FMNL2: variants seen among roughly 807,000 people sequenced by gnomAD.
FMNL2 encodes formin like 2.
Under a neutral mutation model 130.2 loss-of-function variants are expected in FMNL2, and 51 were observed. That is an observed-to-expected ratio of 0.39 (90% CI 0.31 to 0.49). The LOEUF (loss-of-function observed/expected upper bound fraction) is 0.49. FMNL2 is among the 20% of genes least tolerant of loss of function. The pLI, the probability that FMNL2 is intolerant of heterozygous loss-of-function variation, is 0.85. For synonymous variants in FMNL2, 465 were observed against 467.1 expected (o/e 1.00, Z 0.06); for missense variants, 977 against 1,316.2 (o/e 0.74, Z 3.99).
At chr2:152,478,573 T>C (rs778020843) in intron 1 of FMNL2, among the ~76,000 whole-genome samples, 12 of 152,016 alleles carry the variant, frequency 7.9e-5, no homozygotes, top group Non-Finnish European at 1.5e-4. Flanking sequence ...AAAGGCAAAG[T>C]GTACCAAATA....
At chr2:152,481,979 T>A (rs1690553283) in intron 1 of FMNL2, among the ~76,000 whole-genome samples, 1 of 152,170 alleles carries the variant, frequency 6.6e-6, no homozygotes, top group African/African-American at 2.4e-5. Context: ...GAAATGGATT[T>A]AAATAGTGGT....
In FMNL2 at chr2:152,549,359, T is replaced by C. The variant is rs114132452; in HGVS notation, c.359+262T>C. ...CAGTAAATATGGACACTTGGTTTCA[T>C]GTGTGCATAACAATTCTCTGGCAAA... On this transcript the variant is annotated intron_variant, in intron 4 of 25. Coordinates refer to ENST00000288670, the MANE Select transcript of FMNL2 (RefSeq NM_052905.4). Among the ~76,000 whole-genome samples, 263 of 152,342 alleles carry C rather than the reference T, an allele frequency of 1.7e-3. 2 individuals carry two copies. Among genetic ancestry groups the C allele is most frequent in the African/African-American group, 6.0e-3 (250 of 41,590 alleles).
In FMNL2 at chr2:152,495,653, C is replaced by CAAAAAAAAAAAAAAAAAAAAAAAA. The variant is rs55989531; in HGVS notation, c.118-26276_118-26275insAAAAAAAAAAAAAAAAAAAAAAAA. On this transcript the variant is annotated intron_variant, in intron 1 of 25. Transcript: ENST00000288670. ...GTGACAGAGTGAGACTCCGTCTCAC[C>CAAAAAAAAAAAAAAAAAAAAAAAA]AAAAAAAAAAAAAAGATTTTTTTCA... 3.7e-4 allele frequency among the ~76,000 whole-genome samples: 18 copies of CAAAAAAAAAAAAAAAAAAAAAAAA among 48,528 alleles called. 1 individual carries two copies. The highest frequency in any genetic ancestry group is 5.6e-4 in the East Asian group (1 of 1,780). The allele number at this position is 48,528 out of a possible 152,430, so 31.8% of individuals were successfully genotyped here.
intron 1 of FMNL2, among the ~76,000 whole-genome samples, chr2:152,335,956 A>G (rs1353838198): frequency 2.0e-5 from 3 of 151,332 alleles, no homozygotes; most frequent in African/African-American, 7.3e-5. Context: ...CGGCTGCCCA[A>G]CCAGCCTCGA....
At chr2:152,503,039 G>A (rs1225639981) in intron 1 of FMNL2, among the ~76,000 whole-genome samples, 1 of 152,154 alleles carries the variant, frequency 6.6e-6, no homozygotes, top group African/African-American at 2.4e-5. Flanking sequence ...GGCACTCTCT[G>A]CAGTCTCAGG....
At chr2:152,593,387 T>C (rs1443193598) in intron 9 of FMNL2, among the ~76,000 whole-genome samples, 3 of 152,184 alleles carry the variant, frequency 2.0e-5, no homozygotes, top group Non-Finnish European at 4.4e-5. Flanking sequence ...TCTGTGGAAA[T>C]CTGCAAAAAG....
At chr2:152,578,729 A>G (rs189948612) in intron 7 of FMNL2, 159 bp from the exon 8 acceptor site, 293 of 512,258 alleles carry the variant, frequency 5.7e-4, no homozygotes, top group Non-Finnish European at 9.1e-4. Flanking sequence ...ATAGAGAAAT[A>G]TGCTCTGACA....
At chr2:152,642,321 G>A (rs748660992) in intron 25 of FMNL2, among the ~76,000 whole-genome samples, 56 of 152,146 alleles carry the variant, frequency 3.7e-4, no homozygotes, top group Non-Finnish European at 8.8e-5. Context: ...TTTCTCAACA[G>A]CTCAAACCCA....
At chr2:152,517,771 T>C (rs1291763023) in intron 1 of FMNL2, among the ~76,000 whole-genome samples, 1 of 152,220 alleles carries the variant, frequency 6.6e-6, no homozygotes, top group South Asian at 2.1e-4. Flanking sequence ...CATCGACCTT[T>C]GGCGATACTT....
At chr2:152,408,069 G>C (rs1686086597) in intron 1 of FMNL2, among the ~76,000 whole-genome samples, 1 of 152,150 alleles carries the variant, frequency 6.6e-6, no homozygotes, top group African/African-American at 2.4e-5. Context: ...CAGAGAACAG[G>C]GTTGGAGAGT....
intron 1 of FMNL2, among the ~76,000 whole-genome samples, chr2:152,472,615 T>C (rs1387480124): frequency 6.6e-6 from 1 of 152,182 alleles, no homozygotes; most frequent in Non-Finnish European, 1.5e-5. Context: ...TTATCTTTAT[T>C]ACCTTTCCAA....
At chr2:152,345,870 G>A (rs1268734188) in intron 1 of FMNL2, among the ~76,000 whole-genome samples, 1 of 152,126 alleles carries the variant, frequency 6.6e-6, no homozygotes, top group Non-Finnish European at 1.5e-5. Context: ...ACCCTCCAGT[G>A]GCCTTTTATA....
chr2:152,421,003 C>T (rs752800589), intron 1 of FMNL2, among the ~76,000 whole-genome samples: 19 of 152,158 alleles, frequency 1.2e-4, no homozygotes, highest in Non-Finnish European at 2.4e-4. Flanking sequence ...GGGTACCGTC[C>T]AACGCATCTT....
chr2:152,390,336 T>C, intron 1 of FMNL2: 2 of 1,178,602 alleles, frequency 1.7e-6, no homozygotes, highest in Non-Finnish European at 2.5e-6. Context: ...GGAGAGCTCG[T>C]GGCTCATTGA....
chr2:152,442,010 G>A (rs893020117), intron 1 of FMNL2, among the ~76,000 whole-genome samples: 2 of 152,016 alleles, frequency 1.3e-5, no homozygotes, highest in African/African-American at 4.8e-5. Context: ...ATGGTGGCTA[G>A]GGGAGTTTTT....
intron 1 of FMNL2, among the ~76,000 whole-genome samples, chr2:152,342,284 C>G (rs1579432117): frequency 6.6e-6 from 1 of 152,176 alleles, no homozygotes; most frequent in Admixed American, 6.5e-5. Flanking sequence ...ACAAGAAGCA[C>G]TGATTATAGA....
chr2:152,632,164 G>A lies in FMNL2; in HGVS notation c.2680+27G>A, dbSNP rs200394781. ...TACTTGATTTCAGCTATTACCGTTC[G>A]TCTTGGGTATTTAATGCCTTTAATT... is the stretch of plus-strand genomic sequence containing the variant. On this transcript the variant is annotated intron_variant, in intron 21 of 25. Transcript: ENST00000288670. 7.1e-5 allele frequency: 113 copies of A among 1,600,472 alleles called. No homozygotes were observed. In the African/African-American group the frequency reaches 9.3e-4, roughly 13 times the overall value.
At chr2:152,620,712 C>T (rs915872773) in intron 15 of FMNL2, among the ~76,000 whole-genome samples, 1 of 152,208 alleles carries the variant, frequency 6.6e-6, no homozygotes, top group African/African-American at 2.4e-5. Context: ...TCCATCCCTT[C>T]CAGGATCCCA....
intron 1 of FMNL2, among the ~76,000 whole-genome samples, chr2:152,367,377 G>A (rs1209836778): frequency 6.6e-6 from 1 of 152,150 alleles, no homozygotes; most frequent in Non-Finnish European, 1.5e-5. Flanking sequence ...TAATCTTTGA[G>A]TGGAAATAGC....
Sources: allele counts gnomAD v4.1 joint callset (sites outside exome capture counted in the v4.1 genomes callset), GRCh38; gene constraint gnomAD v4.1.1; transcripts MANE v1.5; gene names NCBI Gene and HGNC (gene_info 2026-07-23, HGNC 2026-07-21).